Variants in TNPO3 observed in about 807,000 individuals in gnomAD.
The protein encoded by TNPO3 is transportin 3.
TNPO3 carries 65 observed loss-of-function variants against 122.8 expected under a neutral mutation model. The ratio of observed to expected loss-of-function variants is 0.53; its 90% CI spans 0.43 to 0.65. The LOEUF is 0.65. Among genes scored for constraint, TNPO3 ranks in the 30% least tolerant of loss-of-function variants. TNPO3 has a pLI of 0.00. For synonymous variants in TNPO3, 372 were observed against 411.2 expected (o/e 0.90, Z 1.15); for missense variants, 850 against 1,136.7 (o/e 0.75, Z 3.63).
intron 1 of TNPO3, among the ~76,000 whole-genome samples, chr7:129,039,442 C>T (rs1436886144): frequency 6.6e-6 from 1 of 152,068 alleles, no homozygotes; most frequent in Non-Finnish European, 1.5e-5. Flanking sequence ...CACCTGTAGT[C>T]CCAGCTACTC....
At chr7:128,970,395 A>G (rs746570441) in intron 19 of TNPO3, 80 bp from the exon 20 acceptor site, 85 of 1,379,726 alleles carry the variant, frequency 6.2e-5, no homozygotes, top group Middle Eastern at 3.7e-4. Flanking sequence ...CCCTTTAGTA[A>G]TTTCTCTTTA....
chr7:128,971,469 A>G (rs1189165652), intron 19 of TNPO3, among the ~76,000 whole-genome samples: 2 of 152,194 alleles, frequency 1.3e-5, no homozygotes, highest in African/African-American at 2.4e-5. Context: ...TTAAATACAC[A>G]TGTATTTCTA....
chr7:129,043,915 T>A (rs1339896878), intron 1 of TNPO3, among the ~76,000 whole-genome samples: 6 of 152,190 alleles, frequency 3.9e-5, no homozygotes, highest in Admixed American at 3.3e-4. Flanking sequence ...TACAGAAAAT[T>A]TATCTTCTTT....
rs1585332900 is a variant in TNPO3 at position 128,982,395 on chromosome 7, A to G, written c.1783-71T>C. On this transcript the variant is annotated intron_variant, in intron 13 of 22. Coordinates refer to ENST00000265388, the MANE Select transcript of TNPO3 (RefSeq NM_012470.4). ...ATCTACAGCCAACACTGCAACATAC[A>G]TCAACCTTTGTCTCAATCTCTGCTT... The G allele has an allele frequency of 1.4e-5, 19 of 1,322,318 alleles. No homozygotes were observed. In the East Asian group the frequency reaches 4.5e-4, roughly 31 times the overall value. The allele number at this position is 1,322,318 out of a possible 1,614,324, so 81.9% of individuals were successfully genotyped here. A position where few individuals can be genotyped will look rare whatever the true frequency, so the allele number is the denominator to read the frequency against.
chr7:129,011,661 C>T lies in TNPO3; in HGVS notation c.552+3318G>A, dbSNP rs141435459. On this transcript the variant is annotated intron_variant, in intron 4 of 22. Transcript: ENST00000265388. ...CCAGCCTGTAAAGAATATCTTAGGACCAACTGGTGAAATGTGAATATGGTC... is the reference window on the plus strand; with the variant it reads ...CCAGCCTGTAAAGAATATCTTAGGATCAACTGGTGAAATGTGAATATGGTC... 1.3e-3 allele frequency among the ~76,000 whole-genome samples: 191 copies of T among 152,202 alleles called. 1 individual carries two copies. Among genetic ancestry groups the T allele is most frequent in the East Asian group, 0.011 (55 of 5,174 alleles).
At chr7:129,021,831 G>T (rs918032065) in intron 1 of TNPO3, among the ~76,000 whole-genome samples, 2 of 151,766 alleles carry the variant, frequency 1.3e-5, no homozygotes, top group Admixed American at 6.6e-5. Flanking sequence ...AAAATCTCAG[G>T]AAAAAAATCA....
intron 4 of TNPO3, among the ~76,000 whole-genome samples, chr7:129,005,704 G>A (rs1017892118): frequency 4.6e-5 from 7 of 151,112 alleles, no homozygotes; most frequent in African/African-American, 1.7e-4. Flanking sequence ...GCAGAAGCCT[G>A]TACAGCCCAC....
In TNPO3 at chr7:129,020,309, C is replaced by T. The variant is rs889931575; in HGVS notation, c.121-2152G>A. ...AAATGTTTAATTAATTAATGTAGTA[C>T]TAATAGCACCAATTTTCCTTTCTCA... On this transcript the variant is annotated intron_variant, in intron 1 of 22. Transcript: ENST00000265388. Among the ~76,000 whole-genome samples the T allele has an allele frequency of 4.6e-5, 7 of 152,140 alleles. No homozygotes were observed. The East Asian group carries it at 9.6e-4, about 21-fold the overall frequency.
At chr7:129,022,160 G>A (rs549361882) in intron 1 of TNPO3, among the ~76,000 whole-genome samples, 18 of 152,230 alleles carry the variant, frequency 1.2e-4, no homozygotes, top group African/African-American at 4.1e-4. Flanking sequence ...GGAGGTGGGA[G>A]GCTTACTTGA....
intron 1 of TNPO3, chr7:129,030,340 T>G (rs1002875328): frequency 4.3e-6 from 1 of 233,112 alleles, no homozygotes; most frequent in Admixed American, 5.6e-5. Flanking sequence ...TACTTGTACT[T>G]TTAATGGATT....
At chr7:129,022,132 C>T (rs1488347315) in intron 1 of TNPO3, among the ~76,000 whole-genome samples, 1 of 152,110 alleles carries the variant, frequency 6.6e-6, no homozygotes, top group African/African-American at 2.4e-5. Context: ...CGCCTGTAAT[C>T]CCAGCATTTT....
chr7:128,975,866 A>T lies in TNPO3; in HGVS notation c.2131T>A (p.Tyr711Asn). ...TGCCGACAGCCTTCTTCCATGCCAT[A>T]TTCATCCACAAGGATACTGCCAAGG... ...LYLGSILVDE[Y>N]GMEEGCRQGL... The change falls in exon 17 of 23, where the codon TAT becomes AAT. Residue 711 changes from tyrosine (Y) to asparagine (N), a missense_variant. Tyr to Asn is a moderately radical substitution (Grantham distance 143). Coordinates refer to ENST00000265388, the MANE Select transcript of TNPO3 (RefSeq NM_012470.4). 6.2e-7 allele frequency: 1 copy of T among 1,614,064 alleles called. No individual in the cohort carries two copies. The highest frequency in any genetic ancestry group is 1.6e-4 in the Middle Eastern group (1 of 6,062).
intron 4 of TNPO3, among the ~76,000 whole-genome samples, chr7:129,012,868 A>G (rs573325489): frequency 9.2e-5 from 14 of 152,308 alleles, no homozygotes; most frequent in African/African-American, 2.9e-4. Flanking sequence ...ACAAAATATA[A>G]CCAAATGGGC....
At chr7:128,961,633 TA>T (rs1797468436) in intron 21 of TNPO3, among the ~76,000 whole-genome samples, 1 of 152,234 alleles carries the variant, frequency 6.6e-6, no homozygotes, top group Non-Finnish European at 1.5e-5. Flanking sequence ...CAGTATTTTT[TA>T]GATTCTGTTT....
At chr7:129,024,503 T>C (rs1272116729) in intron 1 of TNPO3, among the ~76,000 whole-genome samples, 1 of 152,154 alleles carries the variant, frequency 6.6e-6, no homozygotes, top group Non-Finnish European at 1.5e-5. Flanking sequence ...TGCTTCACAG[T>C]GGTAAACAAT....
At position 128,982,377 on chromosome 7, in the gene TNPO3, GC is replaced by G. The variant is rs1387982014; in HGVS notation, c.1783-54del. ...CAATTGTCACATGTACAAATCTACA[GC>G]CAACACTGCAACATACATCAACCTT... On this transcript the variant is annotated intron_variant, in intron 13 of 22. Transcript: ENST00000265388. 2.1e-6 allele frequency: 3 copies of G among 1,461,118 alleles called. No homozygotes were observed. In the East Asian group the frequency reaches 6.9e-5, roughly 33 times the overall value. The allele number at this position is 1,461,118 out of a possible 1,614,324, so 90.5% of individuals were successfully genotyped here.
chr7:129,006,830 G>C (rs561043922), intron 4 of TNPO3, among the ~76,000 whole-genome samples: 1 of 152,174 alleles, frequency 6.6e-6, no homozygotes, highest in East Asian at 1.9e-4. Flanking sequence ...AGAAGTGAGG[G>C]GTTAATGAAT....
rs549820076 is a variant in TNPO3 at position 128,955,200 on chromosome 7, C to T, written c.*217G>A. On this transcript the variant is annotated 3_prime_UTR_variant, in exon 23 of 23. Coordinates refer to ENST00000265388, the MANE Select transcript of TNPO3 (RefSeq NM_012470.4). Reference sequence around the variant, plus strand: ...GCCACAGCCATCTTTTTAAAATCCGCGCTGATTTTCCCTCACACCCCCAAA... The same window carrying T: ...GCCACAGCCATCTTTTTAAAATCCGTGCTGATTTTCCCTCACACCCCCAAA... The T allele has an allele frequency of 1.6e-5, 6 of 374,320 alleles. No individual in the cohort carries two copies. The East Asian group carries it at 3.1e-4, about 20-fold the overall frequency. The allele number at this position is 374,320 out of a possible 1,614,324, so 23.2% of individuals were successfully genotyped here.
intron 6 of TNPO3, among the ~76,000 whole-genome samples, 182 bp downstream of exon 6, chr7:129,000,877 A>T (rs1413650925): frequency 1.3e-5 from 2 of 152,164 alleles, no homozygotes; most frequent in African/African-American, 4.8e-5. Context: ...AATTCTACAA[A>T]CCCTGCACCC....
Sources: gnomAD v4.1 joint callset for allele counts (sites outside exome capture counted in the v4.1 genomes callset) on GRCh38, gnomAD v4.1.1 for gene constraint, MANE v1.5 for transcripts, NCBI Gene and HGNC (gene_info 2026-07-23, HGNC 2026-07-21) for gene names.